The following TMEM64 variants were observed in gnomAD, a reference collection of about 807,000 sequenced individuals.
TMEM64 encodes the protein transmembrane protein 64.
In TMEM64, 19 loss-of-function variants were observed where a neutral mutation model predicts 24.5. The ratio of observed to expected loss-of-function variants is 0.78; its 90% confidence interval spans 0.54 to 1.14. The LOEUF is 1.14. Ranked by LOEUF, TMEM64 falls within the 50% of genes most tolerant of loss-of-function variation. The pLI, the probability that TMEM64 is intolerant of heterozygous loss-of-function variation, is 0.00. For synonymous variants in TMEM64, 262 were observed against 224.7 expected, an observed-to-expected ratio of 1.17 and a Z score of -1.49; for missense variants, 487 against 493.0, an observed-to-expected ratio of 0.99 and a Z score of 0.12.
chr8:90,626,629 CTTTTTT>C (rs34029067), intron 2 of TMEM64, among the ~76,000 whole-genome samples: 2 of 105,820 alleles, frequency 1.9e-5, no homozygotes, highest in Non-Finnish European at 3.7e-5. Flanking sequence ...TTTTTTCTTT[CTTTTTT>C]TTTTTTTTTT....
intron 1 of TMEM64, among the ~76,000 whole-genome samples, chr8:90,638,915 T>G (rs1472729530): frequency 6.6e-6 from 1 of 152,178 alleles, no homozygotes; most frequent in Non-Finnish European, 1.5e-5. Context: ...AGGGAGAGAC[T>G]TTCTTTTATT....
intron 1 of TMEM64, among the ~76,000 whole-genome samples, chr8:90,633,889 GA>G (rs1809477511): frequency 6.6e-6 from 1 of 152,102 alleles, no homozygotes; most frequent in Non-Finnish European, 1.5e-5. Flanking sequence ...TTTATATAGT[GA>G]GGGCTATCTG....
chr8:90,625,791 T>C lies in TMEM64; in HGVS notation c.1023A>G (p.Val341=), dbSNP rs61741096. ...RAQVELNAAI[V]ACEMELKSSL... ...AAGATTTCAGTTCCATTTCACAAGC[T>C]ACAATAGCTGCATTCAATTCCACTT... The change falls in exon 3 of 3, where the codon GTA becomes GTG. Residue 341 remains valine, a synonymous_variant. Coordinates refer to ENST00000458549, the MANE Select transcript of TMEM64 (RefSeq NM_001008495.4). 1,135 of 1,613,968 alleles carry C rather than the reference T, an allele frequency of 7.0e-4. 6 individuals are homozygous for C. The African/African-American group carries it at 0.012, about 17-fold the overall frequency.
chr8:90,639,200 T>C (rs2130507611), intron 1 of TMEM64, among the ~76,000 whole-genome samples: 1 of 152,164 alleles, frequency 6.6e-6, no homozygotes, highest in Admixed American at 6.5e-5. Context: ...AAGAGATTTC[T>C]ACTGACAGAA....
chr8:90,644,391 T>C (rs1228099805), intron 1 of TMEM64, among the ~76,000 whole-genome samples: 1 of 152,192 alleles, frequency 6.6e-6, no homozygotes, highest in Non-Finnish European at 1.5e-5. Context: ...ACACTAGCTA[T>C]AGAAACCTGA....
Position 90,645,019 on chromosome 8 carries a change from G to A in TMEM64, c.795+92C>T. 2 of 1,333,396 alleles carry A rather than the reference G, an allele frequency of 1.5e-6. No homozygotes were observed. The highest frequency in any genetic ancestry group is 2.2e-5 in the Admixed American group (1 of 45,036). 82.6% of individuals were successfully genotyped at this position (1,333,396 alleles called of 1,614,324 possible). On this transcript the variant is annotated intron_variant, in intron 1 of 2. Coordinates refer to ENST00000458549, the MANE Select transcript of TMEM64 (RefSeq NM_001008495.4). The surrounding 1 kb of genome is among the most constrained non-coding windows in gnomAD (Gnocchi z 4.2). ...CTGCCGTCAATGTCACTTCTCTGCT[G>A]GTATTTATCTGATAGAGCGCCCTCC... is the stretch of plus-strand genomic sequence containing the variant.
chr8:90,629,752 A>C (rs1809411508), intron 2 of TMEM64, among the ~76,000 whole-genome samples: 1 of 152,146 alleles, frequency 6.6e-6, no homozygotes, highest in South Asian at 2.1e-4. Flanking sequence ...GAAAAAAAGT[A>C]AAGAAAAATA....
At chr8:90,638,887 T>A (rs1218503555) in intron 1 of TMEM64, among the ~76,000 whole-genome samples, 1 of 152,186 alleles carries the variant, frequency 6.6e-6, no homozygotes, top group African/African-American at 2.4e-5. Flanking sequence ...ATTTCTCCAC[T>A]GGAATGCTAC....
chr8:90,631,438 A>G (rs934450502), intron 2 of TMEM64, 114 bp downstream of exon 2: 13 of 963,252 alleles, frequency 1.3e-5, no homozygotes, highest in Non-Finnish European at 1.9e-5. Context: ...ACCAAGAAAA[A>G]AATCTAAAAT....
rs1429613733 is a variant in TMEM64, at chr8:90,645,654, C to T, written c.252G>A (p.Pro84=). 2.0e-6 allele frequency: 3 copies of T among 1,528,884 alleles called. No individual in the cohort carries two copies. Among genetic ancestry groups the T allele is most frequent in the Non-Finnish European group, 8.7e-7 (1 of 1,143,072 alleles). 94.7% of individuals were successfully genotyped at this position (1,528,884 alleles called of 1,614,324 possible). Residue 84 remains proline (P), a synonymous_variant, in exon 1 of 3, where the codon CCG becomes CCA. Coordinates refer to ENST00000458549, the MANE Select transcript of TMEM64 (RefSeq NM_001008495.4). This position sits in a 1 kb window ranked among gnomAD's most constrained non-coding sequence, Gnocchi z 4.2. ...CGGGGCCGCCCGCCAAGGCCCCGCC[C>T]GGCTCCGGCAGCTCCGAAGCCTCGG... ...GPPEASELPE[P]GGALAGGPGS... is the part of the protein sequence containing the mutation.
chr8:90,640,494 C>G (rs1202760656), intron 1 of TMEM64, among the ~76,000 whole-genome samples: 2 of 151,988 alleles, frequency 1.3e-5, no homozygotes, highest in Non-Finnish European at 2.9e-5. Flanking sequence ...TCATCTGTAC[C>G]CTCTCATTTT....
At position 90,645,339 on chromosome 8, in the gene TMEM64, G is replaced by C; in HGVS notation, c.567C>G (p.Tyr189Ter). The C allele has an allele frequency of 6.4e-7, 1 of 1,557,360 alleles. No homozygotes were observed. The highest frequency in any genetic ancestry group is 8.7e-7 in the Non-Finnish European group (1 of 1,150,254). The change falls in exon 1 of 3, where the codon TAC becomes TAG. Residue 189 changes from tyrosine (Y) to a stop codon, truncating the protein, a stop_gained. Coordinates refer to ENST00000458549, the MANE Select transcript of TMEM64 (RefSeq NM_001008495.4). LOFTEE classifies it high-confidence loss of function. This position sits in a 1 kb window ranked among gnomAD's most constrained non-coding sequence, Gnocchi z 4.2. Reference protein sequence around the residue: ...IVLNVAAGYLYGFVLGMGLMM... With the variant: ...IVLNVAAGYL ...TCAGACCCATGCCCAGCACGAAGCC[G>C]TACAGGTAGCCAGCGGCCACGTTGA...
intron 1 of TMEM64, among the ~76,000 whole-genome samples, chr8:90,632,209 C>T (rs1389744114): frequency 1.3e-5 from 2 of 152,140 alleles, no homozygotes; most frequent in Admixed American, 6.5e-5. Flanking sequence ...TGGAGTGGTG[C>T]GATCTGGCCT....
intron 1 of TMEM64, among the ~76,000 whole-genome samples, chr8:90,639,465 T>A (rs956680819): frequency 6.6e-6 from 1 of 152,196 alleles, no homozygotes; most frequent in Non-Finnish European, 1.5e-5. Context: ...GAACACAAGT[T>A]GAAAAGCTTT....
intron 1 of TMEM64, among the ~76,000 whole-genome samples, chr8:90,631,957 TTTTC>T (rs1215519845): frequency 6.6e-6 from 1 of 152,220 alleles, no homozygotes; most frequent in Non-Finnish European, 1.5e-5. Context: ...TGTGACTATT[TTTTC>T]TTTCATGTAA....
chr8:90,633,160 A>G (rs1809465411), intron 1 of TMEM64, among the ~76,000 whole-genome samples: 1 of 152,142 alleles, frequency 6.6e-6, no homozygotes, highest in South Asian at 2.1e-4. Flanking sequence ...AAGTGAGGAG[A>G]TGCCACTTCC....
intron 1 of TMEM64, among the ~76,000 whole-genome samples, chr8:90,632,565 G>A (rs1216066053): frequency 2.6e-5 from 4 of 151,894 alleles, no homozygotes; most frequent in African/African-American, 4.8e-5. Context: ...CTTGTGATCC[G>A]CCTGCCTCAG....
At position 90,625,658 on chromosome 8, in the gene TMEM64, T is replaced by G; in HGVS notation, c.*13A>C. 1 of 1,609,602 alleles carries G rather than the reference T, an allele frequency of 6.2e-7. No individual in the cohort carries two copies. The highest frequency in any genetic ancestry group is 8.5e-7 in the Non-Finnish European group (1 of 1,176,926). On this transcript the variant is annotated 3_prime_UTR_variant, in exon 3 of 3. Transcript: ENST00000458549. ...GCACACTAGGCTCTTGACAATCACG[T>G]ATCTCATTAGAATCATACAACATTG...
In TMEM64 at chr8:90,631,719, G is replaced by C. The variant is rs769071016; in HGVS notation, c.796-12C>G. The C allele has an allele frequency of 6.2e-7, 1 of 1,601,870 alleles. No individual in the cohort carries two copies. Among genetic ancestry groups the C allele is most frequent in the African/African-American group, 1.3e-5 (1 of 74,810 alleles). ...GAGAGATCAGTAATCTAGAAGAGTA[G>C]ATTAAAGGGAATGATTCATTACCAA... On this transcript the variant is annotated splice_polypyrimidine_tract_variant and intron_variant, in intron 1 of 2. Transcript: ENST00000458549.
Sources: gnomAD v4.1 joint callset for allele counts (sites outside exome capture counted in the v4.1 genomes callset) on GRCh38, gnomAD v4.1.1 for gene constraint, Gnocchi (gnomAD v3.1) non-coding constraint, MANE v1.5 for transcripts, NCBI Gene and HGNC (gene_info 2026-07-23, HGNC 2026-07-21) for gene names.